The following PACRGL variants were observed in gnomAD, a reference collection of about 807,000 sequenced individuals.
PACRGL encodes the protein parkin coregulated like.
Under a neutral mutation model 34.5 loss-of-function variants are expected in PACRGL, and 38 were observed. The ratio of observed to expected loss-of-function variants is 1.10; its 90% CI spans 0.85 to 1.44. The LOEUF is 1.44. Ranked by LOEUF, PACRGL falls within the 40% of genes most tolerant of loss-of-function variation. PACRGL has a pLI of 0.00. For missense variants in PACRGL, 305 were observed against 281.4 expected (o/e 1.08, Z -0.60); for synonymous variants, 128 against 100.1 (o/e 1.28, Z -1.66).
rs1654277528 is a variant in PACRGL, at chr4:20,728,471, G to GCTGC, written c.*1139_*1142dup. On this transcript the variant is annotated 3_prime_UTR_variant, in exon 9 of 9. Transcript: ENST00000503585. ...GAAGCAATTCCCTCTGGCTACAACAGCTGCCTGCCTGCTGGCCTTGCTTTT... is the reference window on the plus strand; with the variant it reads ...GAAGCAATTCCCTCTGGCTACAACAGCTGCCTGCCTGCCTGCTGGCCTTGCTTTT... 1 of 152,222 alleles carries GCTGC rather than the reference G, an allele frequency of 6.6e-6. No homozygotes were observed. The highest frequency in any genetic ancestry group is 2.1e-4 in the South Asian group (1 of 4,832). The allele number at this position is 152,222 out of a possible 1,614,324, so 9.4% of individuals were successfully genotyped here.
rs1315809250 is a variant in PACRGL, at chr4:20,730,362, C to T, written c.*3021C>T. On this transcript the variant is annotated 3_prime_UTR_variant, in exon 9 of 9. Coordinates refer to ENST00000503585, the MANE Select transcript of PACRGL (RefSeq NM_001258345.3). ...GGAGTCTATTGACCAGGCATTAAAC[C>T]ACTTTATTTAAATCTTTACTTGGTA... Among the ~76,000 whole-genome samples the T allele has an allele frequency of 6.6e-6, 1 of 152,100 alleles. No homozygotes were observed. The highest frequency in any genetic ancestry group is 1.5e-5 in the Non-Finnish European group (1 of 68,012).
chr4:20,737,148 G>GA (rs1385805945), downstream of PACRGL, among the ~76,000 whole-genome samples: 1 of 152,166 alleles, frequency 6.6e-6, no homozygotes, highest in African/African-American at 2.4e-5. Flanking sequence ...TCAAGTGAGA[G>GA]AAAAACAAGA....
chr4:20,752,066 T>TTTC (rs1553889565), intron 8 of PACRGL, among the ~76,000 whole-genome samples: 65 of 149,960 alleles, frequency 4.3e-4, no homozygotes, highest in Admixed American at 1.0e-3. Context: ...TTTTTTTTTT[T>TTTC]TTTTTTTTTG....
chr4:20,723,544 C>T (rs565735356), intron 7 of PACRGL, among the ~76,000 whole-genome samples: 12 of 152,004 alleles, frequency 7.9e-5, no homozygotes, highest in African/African-American at 2.9e-4. Flanking sequence ...GAAAAGGAAT[C>T]ACACTGGATC....
intron 1 of PACRGL, chr4:20,702,312 C>CT (rs1344174701): frequency 9.6e-6 from 4 of 418,226 alleles, no homozygotes; most frequent in Non-Finnish European, 1.9e-5. Context: ...CTGTGCATCG[C>CT]TTTTATCTGT....
At chr4:20,712,196 TC>T (rs1227105626) in intron 5 of PACRGL, among the ~76,000 whole-genome samples, 1 of 151,832 alleles carries the variant, frequency 6.6e-6, no homozygotes, top group African/African-American at 2.4e-5. Context: ...ATTTTCTCTT[TC>T]TTCTTATATT....
At chr4:20,717,203 G>T (rs1352508535) in intron 7 of PACRGL, among the ~76,000 whole-genome samples, 1 of 151,964 alleles carries the variant, frequency 6.6e-6, no homozygotes, top group African/African-American at 2.4e-5. Flanking sequence ...TTGTAAATTT[G>T]TTTGAGTTCT....
intron 7 of PACRGL, among the ~76,000 whole-genome samples, chr4:20,720,916 G>A (rs1057076502): frequency 5.3e-5 from 8 of 152,134 alleles, no homozygotes; most frequent in South Asian, 2.1e-4. Context: ...ATCCTGCAGC[G>A]TGTTTTCCAA....
downstream of PACRGL, chr4:20,734,782 CAA>C: frequency 8.7e-7 from 1 of 1,153,712 alleles, no homozygotes; most frequent in Non-Finnish European, 1.2e-6. Flanking sequence ...TTTAAAAAAA[CAA>C]AAACAAAAAA....
At chr4:20,717,015 T>C (rs1740399356) in intron 7 of PACRGL, among the ~76,000 whole-genome samples, 1 of 152,236 alleles carries the variant, frequency 6.6e-6, no homozygotes, top group African/African-American at 2.4e-5. Context: ...GACTTTTTAA[T>C]GATTGCCATT....
intron 4 of PACRGL, among the ~76,000 whole-genome samples, chr4:20,708,899 G>T (rs1390227396): frequency 3.9e-5 from 6 of 152,036 alleles, no homozygotes; most frequent in African/African-American, 1.4e-4. Context: ...GGCCAAGGCG[G>T]GTGGATCACC....
Position 20,729,020 on chromosome 4 carries a change from G to GTA in PACRGL, c.*1680_*1681dup, listed in dbSNP as rs1746955644. ...CTAAATCTTGGTAGTAGTTGTCAAT[G>GTA]TAATGGAACCACTGGTGCTTTCAAA... On this transcript the variant is annotated 3_prime_UTR_variant, in exon 9 of 9. Transcript: ENST00000503585. 1 of 152,302 alleles carries GTA rather than the reference G, an allele frequency of 6.6e-6. No individual in the cohort carries two copies. The highest frequency in any genetic ancestry group is 2.4e-5 in the African/African-American group (1 of 41,454). The allele number at this position is 152,302 out of a possible 1,614,324, so 9.4% of individuals were successfully genotyped here. A position where few individuals can be genotyped will look rare whatever the true frequency, so the allele number is the denominator to read the frequency against.
chr4:20,763,425 A>G, the PACRGL span, among the ~76,000 whole-genome samples: 1 of 152,192 alleles, frequency 6.6e-6, no homozygotes, highest in African/African-American at 2.4e-5. Context: ...TATGGCGCCA[A>G]CAGTCTCTGT....
chr4:20,749,615 ACTAAACT>A, intron 8 of PACRGL: 3 of 1,331,550 alleles, frequency 2.3e-6, no homozygotes, highest in Non-Finnish European at 3.2e-6. Context: ...CCCTAAAAAG[ACTAAACT>A]CTAAATAGTC....
At chr4:20,760,511 T>C in the PACRGL span, among the ~76,000 whole-genome samples, 1 of 152,192 alleles carries the variant, frequency 6.6e-6, no homozygotes, top group Non-Finnish European at 1.5e-5. Flanking sequence ...TATTTTCTCA[T>C]TTGTTGTTTT....
At chr4:20,701,728 T>C (rs1031096619) in intron 1 of PACRGL, 2 of 381,406 alleles carry the variant, frequency 5.2e-6, no homozygotes, top group Non-Finnish European at 1.1e-5. Flanking sequence ...CCGTGGAGAA[T>C]TGGCTCCAGG....
At chr4:20,754,044 A>T (rs1419626351), downstream of PACRGL, among the ~76,000 whole-genome samples, 1 of 152,194 alleles carries the variant, frequency 6.6e-6, no homozygotes. Flanking sequence ...AAAAATGTTT[A>T]GTGAACTAAA....
chr4:20,745,479 T>C (rs1390801567), intron 8 of PACRGL, among the ~76,000 whole-genome samples: 1 of 152,178 alleles, frequency 6.6e-6, no homozygotes, highest in Non-Finnish European at 1.5e-5. Flanking sequence ...TTTTGCTCCG[T>C]GCTTTTCTGA....
rs1747276619 is a variant in PACRGL at position 20,729,488 on chromosome 4, AAT to A, written c.*2149_*2150del. 1 of 118,826 alleles carries A rather than the reference AAT, an allele frequency of 8.4e-6. No homozygotes were observed. Among genetic ancestry groups the A allele is most frequent in the African/African-American group, 3.7e-5 (1 of 27,258 alleles). The allele number at this position is 118,826 out of a possible 1,614,324, so 7.4% of individuals were successfully genotyped here. A position where few individuals can be genotyped will look rare whatever the true frequency, so the allele number is the denominator to read the frequency against. On this transcript the variant is annotated 3_prime_UTR_variant, in exon 9 of 9. Coordinates refer to ENST00000503585, the MANE Select transcript of PACRGL (RefSeq NM_001258345.3). ...ATAATAAACTAATTTTTAAATGTTT[AAT>A]AATTTTTAAATGTTTAAAAATGCCA...
Sources: allele counts gnomAD v4.1 joint callset (sites outside exome capture counted in the v4.1 genomes callset), GRCh38; gene constraint gnomAD v4.1.1; transcripts MANE v1.5; gene names NCBI Gene and HGNC (gene_info 2026-07-23, HGNC 2026-07-21).